DIAPH2: variants seen among roughly 807,000 people sequenced by gnomAD.
The protein encoded by DIAPH2 is protein diaphanous homolog 2.
A neutral mutation model predicts 92.7 loss-of-function variants in DIAPH2; 35 were observed. The observed-to-expected ratio is 0.38, with a 90% CI of 0.29 to 0.50. DIAPH2 has a LOEUF of 0.50. DIAPH2 is among the 20% of genes least tolerant of loss of function. DIAPH2 has a pLI of 0.94. For missense variants in DIAPH2, 701 were observed against 819.5 expected (o/e 0.86, Z 1.77); for synonymous variants, 301 against 280.4 (o/e 1.07, Z -0.73).
Position 96,758,246 on chromosome X carries a change from C to T in DIAPH2, c.435C>T (p.Ala145=). 1 of 1,202,360 alleles carries T rather than the reference C, an allele frequency of 8.3e-7. No homozygotes were observed. The highest frequency in any genetic ancestry group is 1.7e-5 in the African/African-American group (1 of 57,316). ...AGATGGTTGTCCAGTATATTTCTGC[C>T]ACTGCCAAATCTGTAAGTAGGGAGA... ...KREMVVQYIS[A]TAKSGGLKNS... The change falls in exon 4 of 27, where the codon GCC becomes GCT. Residue 145 remains alanine, a synonymous_variant. Coordinates refer to ENST00000324765, the MANE Select transcript of DIAPH2 (RefSeq NM_006729.5).
chrX:97,442,021 T>C (rs1305663623), intron 26 of DIAPH2: 1 of 112,390 alleles, frequency 8.9e-6, no homozygotes, highest in Non-Finnish European at 1.9e-5. Context: ...TAAGTAAGTA[T>C]TGATGATGTT....
At chrX:96,993,341 C>A (rs866121726) in intron 17 of DIAPH2, among the ~76,000 whole-genome samples, 18 of 112,103 alleles carry the variant, frequency 1.6e-4, no homozygotes, top group Admixed American at 1.1e-3. Flanking sequence ...TGTATTAGTT[C>A]GTTCTCACAC....
intron 23 of DIAPH2, among the ~76,000 whole-genome samples, chrX:97,279,359 G>A (rs1235628598): frequency 4.8e-5 from 5 of 103,736 alleles, no homozygotes; most frequent in Admixed American, 1.1e-4. Flanking sequence ...CTGGAGTGCA[G>A]TGGCGCAATC....
intron 26 of DIAPH2, among the ~76,000 whole-genome samples, chrX:97,582,907 G>A (rs1466685976): frequency 4.6e-5 from 5 of 109,498 alleles, no homozygotes; most frequent in African/African-American, 6.6e-5. Flanking sequence ...TTTCCTTCTC[G>A]CTTCATTTCA....
chrX:97,097,839 T>G (rs1256454550), intron 19 of DIAPH2, among the ~76,000 whole-genome samples: 1 of 109,863 alleles, frequency 9.1e-6, no homozygotes, highest in Non-Finnish European at 1.9e-5. Flanking sequence ...GCATCAAAAA[T>G]ATTTGAAAAA....
intron 5 of DIAPH2, among the ~76,000 whole-genome samples, chrX:96,898,677 T>G (rs1021359037): frequency 9.3e-6 from 1 of 107,804 alleles, no homozygotes. Context: ...TTTTGTAGGT[T>G]GCCTGTTCAC....
chrX:96,929,766 C>T (rs966956602), intron 9 of DIAPH2, among the ~76,000 whole-genome samples: 5 of 110,066 alleles, frequency 4.5e-5, no homozygotes, highest in African/African-American at 6.6e-5. Flanking sequence ...CGAGGATTCC[C>T]CTTGTAGTTT....
chrX:97,275,172 G>A (rs988571952), intron 23 of DIAPH2, among the ~76,000 whole-genome samples: 10 of 112,088 alleles, frequency 8.9e-5, no homozygotes, highest in African/African-American at 3.2e-4. Context: ...TCCCAGACGG[G>A]GTGGCGGCCG....
At chrX:97,194,098 A>G (rs2067677589) in intron 22 of DIAPH2, among the ~76,000 whole-genome samples, 1 of 110,847 alleles carries the variant, frequency 9.0e-6, no homozygotes. Context: ...GAACTAGCTA[A>G]TAAGTCGCAG....
intron 25 of DIAPH2, among the ~76,000 whole-genome samples, chrX:97,397,362 A>C (rs200966675): frequency 6.1e-4 from 1 of 1,629 alleles, no homozygotes; most frequent in East Asian, 1. Context: ...ATGTACTTTA[A>C]AAAAAAAAAT....
chrX:96,717,164 A>G (rs1354016960), intron 1 of DIAPH2, among the ~76,000 whole-genome samples: 1 of 112,403 alleles, frequency 8.9e-6, no homozygotes, highest in Non-Finnish European at 1.9e-5. Context: ...TTTGATTTCT[A>G]AAGACTGCTG....
chrX:96,857,486 C>G, intron 4 of DIAPH2, among the ~76,000 whole-genome samples: 2 of 112,368 alleles, frequency 1.8e-5, no homozygotes, highest in Middle Eastern at 9.3e-3. Context: ...TTCAGAGAAA[C>G]AATCTGTTGA....
At chrX:97,599,216 T>C (rs1453822843) in intron 26 of DIAPH2, 37 bp from the exon 27 acceptor site, 2 of 1,077,435 alleles carry the variant, frequency 1.9e-6, no homozygotes, top group East Asian at 6.4e-5. Context: ...ATCTAAAACT[T>C]ACCATGCTTT....
intron 17 of DIAPH2, among the ~76,000 whole-genome samples, chrX:96,976,074 T>TGATTACAACTCACTGCG (rs1217021903): frequency 1.0e-5 from 1 of 96,575 alleles, no homozygotes; most frequent in Non-Finnish European, 2.1e-5. Flanking sequence ...TGCACTGGCA[T>TGATTACAACTCACTGCG]GATTACAACT....
Position 96,684,894 on chromosome X carries a change from G to C in DIAPH2, c.-165G>C. The stretch of plus-strand genomic sequence containing the variant: ...GTGGTTGCGTCGGGGGTGCCTGGGA[G>C]CCTGGAGTCCCGGGGGCCTGAAATC... On this transcript the variant is annotated 5_prime_UTR_variant, in exon 1 of 27. Coordinates refer to ENST00000324765, the MANE Select transcript of DIAPH2 (RefSeq NM_006729.5). The C allele has an allele frequency of 3.4e-6, 2 of 581,815 alleles. No homozygotes were observed. Among genetic ancestry groups the C allele is most frequent in the Non-Finnish European group, 4.7e-6 (2 of 429,914 alleles). 47.9% of individuals were successfully genotyped at this position (581,815 alleles called of 1,213,427 possible).
At chrX:96,787,107 A>C (rs186766) in intron 4 of DIAPH2, among the ~76,000 whole-genome samples, 59,382 of 110,287 alleles carry the variant, frequency 0.54, 12,776 homozygotes, top group African/African-American at 0.81. Flanking sequence ...CTTCCTGTCT[A>C]ATTTTGTGTA....
At chrX:97,407,864 G>A (rs2069826086) in intron 25 of DIAPH2, among the ~76,000 whole-genome samples, 1 of 111,581 alleles carries the variant, frequency 9.0e-6, no homozygotes. Context: ...AACTGCAAAG[G>A]TCAAGTAGAC....
chrX:97,570,074 TAA>T (rs2071353921), intron 26 of DIAPH2, among the ~76,000 whole-genome samples: 3 of 40,754 alleles, frequency 7.4e-5, no homozygotes, highest in African/African-American at 1.9e-4. Flanking sequence ...TAAGGCCTTC[TAA>T]TATATATATA....
intron 26 of DIAPH2, among the ~76,000 whole-genome samples, chrX:97,442,291 T>G (rs2070267820): frequency 8.9e-6 from 1 of 112,934 alleles, no homozygotes; most frequent in Non-Finnish European, 1.9e-5. Flanking sequence ...CATGCTAATG[T>G]TGGTAGCTAA....
Sources: allele counts gnomAD v4.1 joint callset (sites outside exome capture counted in the v4.1 genomes callset), GRCh38; gene constraint gnomAD v4.1.1; transcripts MANE v1.5; gene names NCBI Gene and HGNC (gene_info 2026-07-23, HGNC 2026-07-21).